BRWD3: variants seen among roughly 807,000 people sequenced by gnomAD.
BRWD3 encodes bromodomain and WD repeat-containing protein 3.
A neutral mutation model predicts 149.7 loss-of-function variants in BRWD3; 10 were observed. That is an observed-to-expected ratio of 0.07 (90% CI 0.04 to 0.11). The LOEUF is 0.11. Ranked by LOEUF, BRWD3 falls within the 10% of genes least tolerant of loss-of-function variation. BRWD3 has a pLI of 1.00. For synonymous variants in BRWD3, 504 were observed against 456.7 expected (o/e 1.10, Z -1.32); for missense variants, 940 against 1,373.2 (o/e 0.68, Z 4.99).
At chrX:80,689,406 A>G (rs1388632273) in intron 33 of BRWD3, among the ~76,000 whole-genome samples, 1 of 111,827 alleles carries the variant, frequency 8.9e-6, no homozygotes, top group Non-Finnish European at 1.9e-5. Flanking sequence ...AAATACTTTA[A>G]TATTTTCTAT....
At chrX:80,695,161 A>C (rs1381842488) in intron 27 of BRWD3, among the ~76,000 whole-genome samples, 4 of 111,686 alleles carry the variant, frequency 3.6e-5, no homozygotes, top group Non-Finnish European at 7.5e-5. Flanking sequence ...CTGCAGCCAT[A>C]TGAAGAAGGT....
chrX:80,751,903 A>AT (rs887461862), intron 6 of BRWD3, among the ~76,000 whole-genome samples: 1 of 108,883 alleles, frequency 9.2e-6, no homozygotes, highest in African/African-American at 3.4e-5. Context: ...ACATGACTTC[A>AT]TTTTTTTTAT....
intron 20 of BRWD3, among the ~76,000 whole-genome samples, chrX:80,713,748 G>A (rs2073032985): frequency 9.0e-6 from 1 of 110,781 alleles, no homozygotes; most frequent in South Asian, 3.8e-4. Context: ...ACAACAGAAG[G>A]GAAAGGACTC....
chrX:80,698,314 C>A (rs372830273), intron 25 of BRWD3, among the ~76,000 whole-genome samples: 1 of 111,919 alleles, frequency 8.9e-6, no homozygotes, highest in East Asian at 2.8e-4. Flanking sequence ...TAGCATATAG[C>A]AAAGCTAGAA....
chrX:80,711,180 T>A (rs2072960638), intron 20 of BRWD3, among the ~76,000 whole-genome samples: 1 of 111,792 alleles, frequency 8.9e-6, no homozygotes, highest in East Asian at 2.8e-4. Flanking sequence ...AGTGCTAAGA[T>A]ATATAAGTGG....
At chrX:80,730,441 G>GAAAT (rs1209317736) in intron 12 of BRWD3, among the ~76,000 whole-genome samples, 1 of 109,017 alleles carries the variant, frequency 9.2e-6, no homozygotes, top group Non-Finnish European at 1.9e-5. Flanking sequence ...AAGAAAGAAA[G>GAAAT]AAAGAAAGAC....
chrX:80,771,155 C>T (rs928573688), intron 6 of BRWD3, among the ~76,000 whole-genome samples: 2 of 111,541 alleles, frequency 1.8e-5, no homozygotes, highest in Admixed American at 9.6e-5. Flanking sequence ...GAATCAGTAT[C>T]GTGAAAATGG....
chrX:80,746,753 G>T, intron 6 of BRWD3: 2 of 445,860 alleles, frequency 4.5e-6, no homozygotes, highest in African/African-American at 2.7e-5. Flanking sequence ...CAAGAACTGA[G>T]TTCTAGCTAG....
At chrX:80,762,567 G>A (rs773400385) in intron 6 of BRWD3, among the ~76,000 whole-genome samples, 1 of 109,969 alleles carries the variant, frequency 9.1e-6, no homozygotes, top group Admixed American at 9.8e-5. Flanking sequence ...GTATGTGTTG[G>A]GGGGGTGGGG....
chrX:80,730,865 T>A (rs751538464), intron 12 of BRWD3, among the ~76,000 whole-genome samples: 47 of 112,089 alleles, frequency 4.2e-4, no homozygotes, highest in African/African-American at 1.5e-3. Context: ...GTAGATCTAT[T>A]TCTATGTTTA....
chrX:80,779,503 G>A (rs1017525304), intron 6 of BRWD3, among the ~76,000 whole-genome samples: 8 of 110,399 alleles, frequency 7.2e-5, no homozygotes, highest in African/African-American at 2.6e-4. Context: ...AAAGCAGATC[G>A]CTTGAGGTCA....
At chrX:80,793,485 TA>T in intron 5 of BRWD3, 136 bp downstream of exon 5, 1 of 693,751 alleles carries the variant, frequency 1.4e-6, no homozygotes, top group Non-Finnish European at 2.1e-6. Flanking sequence ...ACTTGTACAC[TA>T]AGAAAACAAA....
Position 80,692,890 on chromosome X carries a change from C to T in BRWD3, c.3263+50G>A, listed in dbSNP as rs1220335052. 3.0e-6 allele frequency: 3 copies of T among 1,005,704 alleles called. No individual in the cohort carries two copies. In the African/African-American group the frequency reaches 5.7e-5, roughly 19 times the overall value. The allele number at this position is 1,005,704 out of a possible 1,213,427, so 82.9% of individuals were successfully genotyped here. On this transcript the variant is annotated intron_variant, in intron 28 of 40. Transcript: ENST00000373275. ...CCTGATGGAGGCTATTAAAAGTCCA[C>T]ATACTACTACAATGTCATATTAGGC... is the stretch of plus-strand genomic sequence containing the variant.
At chrX:80,795,887 T>C (rs1274919486) in intron 4 of BRWD3, among the ~76,000 whole-genome samples, 3 of 110,628 alleles carry the variant, frequency 2.7e-5, no homozygotes, top group Admixed American at 9.7e-5. Context: ...ACTGTGTTCA[T>C]GTCACTGCAC....
intron 7 of BRWD3, among the ~76,000 whole-genome samples, chrX:80,745,285 GAAATT>G (rs2073576238): frequency 2.7e-5 from 3 of 111,581 alleles, no homozygotes; most frequent in African/African-American, 6.5e-5. Flanking sequence ...TGAATGAAAT[GAAATT>G]GAGTACACTT....
At chrX:80,738,035 A>C (rs2073428530) in intron 8 of BRWD3, among the ~76,000 whole-genome samples, 1 of 112,488 alleles carries the variant, frequency 8.9e-6, no homozygotes, top group African/African-American at 3.2e-5. Flanking sequence ...GCTAAGCCTA[A>C]ATATTTACTA....
intron 4 of BRWD3, among the ~76,000 whole-genome samples, chrX:80,804,983 G>A (rs1353775170): frequency 2.7e-5 from 3 of 111,847 alleles, no homozygotes; most frequent in Non-Finnish European, 5.6e-5. Flanking sequence ...AAATCTTACA[G>A]TTCAACATAA....
At position 80,724,948 on chromosome X, in the gene BRWD3, C is replaced by G; in HGVS notation, c.1506G>C (p.Arg502=). ...TGTCTCTTACCATGTTAAAGTAATT[C>G]CGAATTTTGGTCCCCCGGTCAAGGT... is the stretch of plus-strand genomic sequence containing the variant. ...IWDLDRGTKI[R]NYFNMIEGQG... The change falls in exon 15 of 41, where the codon CGG becomes CGC. Residue 502 remains arginine (R), a synonymous_variant. Coordinates refer to ENST00000373275, the MANE Select transcript of BRWD3 (RefSeq NM_153252.5). The G allele has an allele frequency of 8.3e-7, 1 of 1,210,140 alleles. No homozygotes were observed. Among genetic ancestry groups the G allele is most frequent in the Non-Finnish European group, 1.1e-6 (1 of 894,512 alleles).
chrX:80,739,088 G>A (rs1295764451), intron 8 of BRWD3, among the ~76,000 whole-genome samples: 3 of 112,015 alleles, frequency 2.7e-5, no homozygotes, highest in African/African-American at 9.7e-5. Context: ...AGATCGGTTA[G>A]AAGTCTATTT....
Sources: gnomAD v4.1 joint callset for allele counts (sites outside exome capture counted in the v4.1 genomes callset) on GRCh38, gnomAD v4.1.1 for gene constraint, MANE v1.5 for transcripts, NCBI Gene and HGNC (gene_info 2026-07-23, HGNC 2026-07-21) for gene names.